The following GRIK2 variants were observed in gnomAD, a reference collection of about 807,000 sequenced individuals.
GRIK2 encodes glutamate receptor ionotropic, kainate 2.
In GRIK2, 32 loss-of-function variants were observed where a neutral mutation model predicts 100.3. The ratio of observed to expected loss-of-function variants is 0.32; its 90% CI spans 0.24 to 0.43. GRIK2 has a LOEUF of 0.43. GRIK2 is among the 20% of genes least tolerant of loss of function. GRIK2 has a pLI of 1.00. For synonymous variants in GRIK2, 417 were observed against 389.4 expected (o/e 1.07, Z -0.83); for missense variants, 843 against 1,114.9 (o/e 0.76, Z 3.47).
chr6:101,661,704 A>T (rs775575233), intron 4 of GRIK2, among the ~76,000 whole-genome samples: 5 of 152,072 alleles, frequency 3.3e-5, no homozygotes, highest in Non-Finnish European at 7.4e-5. Context: ...ACAGTCTCTC[A>T]TGGCTTCCCT....
chr6:101,888,628 A>C (rs1786828199), intron 11 of GRIK2, among the ~76,000 whole-genome samples: 1 of 152,108 alleles, frequency 6.6e-6, no homozygotes, highest in Non-Finnish European at 1.5e-5. Flanking sequence ...AATGCACAAA[A>C]ACACACACAG....
chr6:101,531,225 C>G (rs1370406904), intron 2 of GRIK2, among the ~76,000 whole-genome samples: 1 of 151,922 alleles, frequency 6.6e-6, no homozygotes. Context: ...AAATTGAAGA[C>G]TCCTCCATAG....
At chr6:102,058,272 A>G (rs777564787) in intron 16 of GRIK2, among the ~76,000 whole-genome samples, 1 of 151,654 alleles carries the variant, frequency 6.6e-6, no homozygotes, top group African/African-American at 2.4e-5. Flanking sequence ...TAGGACAAAT[A>G]CCTAGTATTT....
intron 13 of GRIK2, among the ~76,000 whole-genome samples, chr6:101,927,532 C>A (rs940676881): frequency 5.9e-5 from 9 of 151,950 alleles, no homozygotes; most frequent in African/African-American, 2.4e-5. Flanking sequence ...AGAATATAAA[C>A]AATGTGGTAA....
chr6:101,439,891 T>C (rs1186509909), intron 2 of GRIK2, among the ~76,000 whole-genome samples: 4 of 151,946 alleles, frequency 2.6e-5, no homozygotes, highest in Non-Finnish European at 5.9e-5. Flanking sequence ...TTTGAGAGAG[T>C]CTTGTGAAAA....
intron 14 of GRIK2, among the ~76,000 whole-genome samples, chr6:102,005,107 CTAGAA>C (rs61159933): frequency 0.04 from 6,081 of 150,978 alleles, 418 homozygotes; most frequent in African/African-American, 0.14. Context: ...TTTGTACTGA[CTAGAA>C]TAGAAGGATA....
chr6:101,528,564 A>G (rs1045315440), intron 2 of GRIK2, among the ~76,000 whole-genome samples: 2 of 152,160 alleles, frequency 1.3e-5, no homozygotes, highest in Non-Finnish European at 2.9e-5. Context: ...TGACTCTACC[A>G]TAGAATGACA....
At chr6:101,605,101 A>AT (rs1779384411) in intron 2 of GRIK2, among the ~76,000 whole-genome samples, 1 of 151,952 alleles carries the variant, frequency 6.6e-6, no homozygotes, top group African/African-American at 2.4e-5. Flanking sequence ...ATCTATTTAT[A>AT]TTTTTTACCA....
intron 7 of GRIK2, among the ~76,000 whole-genome samples, chr6:101,712,313 A>G (rs980198103): frequency 1.3e-5 from 2 of 151,908 alleles, no homozygotes; most frequent in Middle Eastern, 6.8e-3. Context: ...GCCCATACTT[A>G]CTGAATCAGT....
At chr6:101,891,286 A>C (rs1386736542) in intron 12 of GRIK2, among the ~76,000 whole-genome samples, 1 of 151,980 alleles carries the variant, frequency 6.6e-6, no homozygotes, top group East Asian at 1.9e-4. Context: ...TGGGAGGCCA[A>C]GGCGGGCGGA....
chr6:101,984,509 C>T (rs1416820288), intron 14 of GRIK2, among the ~76,000 whole-genome samples: 1 of 151,484 alleles, frequency 6.6e-6, no homozygotes, highest in Non-Finnish European at 1.5e-5. Context: ...TTCCTTCCAG[C>T]TCTGAAATAC....
intron 2 of GRIK2, among the ~76,000 whole-genome samples, chr6:101,605,936 A>G (rs1207099535): frequency 2.0e-5 from 3 of 152,072 alleles, no homozygotes; most frequent in Admixed American, 2.0e-4. Context: ...TCTAGAAAGT[A>G]GAGCTCACTT....
intron 16 of GRIK2, among the ~76,000 whole-genome samples, chr6:102,058,707 T>A (rs1771594124): frequency 6.6e-6 from 1 of 151,520 alleles, no homozygotes; most frequent in Non-Finnish European, 1.5e-5. Context: ...CTTATCATAA[T>A]TGTGTCTTTA....
At chr6:101,916,080 A>G (rs1789085662) in intron 12 of GRIK2, among the ~76,000 whole-genome samples, 1 of 151,538 alleles carries the variant, frequency 6.6e-6, no homozygotes, top group African/African-American at 2.4e-5. Context: ...ATGTTAAAAT[A>G]TAGTACAAAC....
At chr6:101,690,036 G>C (rs189013654) in intron 7 of GRIK2, among the ~76,000 whole-genome samples, 2 of 152,028 alleles carry the variant, frequency 1.3e-5, no homozygotes, top group Non-Finnish European at 2.9e-5. Flanking sequence ...ATCAGAGCCC[G>C]ACAATGGTGA....
rs148193791 is a variant in GRIK2 at position 101,422,000 on chromosome 6, A to T, written c.115+22608A>T. Among the ~76,000 whole-genome samples, 89 of 152,348 alleles carry T rather than the reference A, an allele frequency of 5.8e-4. 1 individual carries two copies. The East Asian group carries it at 0.013, about 21-fold the overall frequency. On this transcript the variant is annotated intron_variant, in intron 2 of 16. Transcript: ENST00000369134. ...TTTAAGTTACCAATGACACTTTTGT[A>T]TGACATTAAAAGTGTTGCTCCTATT...
chr6:102,015,473 T>C (rs991384679), intron 14 of GRIK2, among the ~76,000 whole-genome samples: 52 of 152,038 alleles, frequency 3.4e-4, no homozygotes, highest in African/African-American at 1.2e-3. Flanking sequence ...ACACACACAG[T>C]CCTACACCAG....
intron 2 of GRIK2, among the ~76,000 whole-genome samples, chr6:101,546,330 A>G (rs1365042125): frequency 1.3e-5 from 2 of 152,208 alleles, no homozygotes; most frequent in Non-Finnish European, 2.9e-5. Context: ...ACTGCTTAAT[A>G]ATCACCCCTA....
intron 10 of GRIK2, among the ~76,000 whole-genome samples, chr6:101,828,278 C>T (rs1306359098): frequency 2.6e-5 from 4 of 151,782 alleles, no homozygotes; most frequent in Non-Finnish European, 4.4e-5. Flanking sequence ...GTGTGAAAAG[C>T]AGTGATAAGA....
Sources: allele counts gnomAD v4.1 joint callset (sites outside exome capture counted in the v4.1 genomes callset), GRCh38; gene constraint gnomAD v4.1.1; transcripts MANE v1.5; gene names NCBI Gene and HGNC (gene_info 2026-07-23, HGNC 2026-07-21).